The following G3BP1 variants were observed in gnomAD, a reference collection of about 807,000 sequenced individuals.
G3BP1 encodes G3BP stress granule assembly factor 1, also known as ras GTPase-activating protein-binding protein 1.
A neutral mutation model predicts 58.6 loss-of-function variants in G3BP1; 35 were observed. That is an observed-to-expected ratio of 0.60 (90% CI 0.46 to 0.79). The LOEUF (loss-of-function observed/expected upper bound fraction) is 0.79, where lower values mean the gene tolerates loss of function less well. Ranked by LOEUF, G3BP1 falls within the 30% of genes least tolerant of loss-of-function variation. The probability of loss-of-function intolerance (pLI) is 0.00; values close to 1 mark genes in which losing one functional copy is unlikely to be tolerated. For synonymous variants in G3BP1, 191 were observed against 195.4 expected (o/e 0.98, Z 0.19); for missense variants, 523 against 580.8 (o/e 0.90, Z 1.02).
intron 8 of G3BP1, 55 bp from the exon 9 acceptor site, chr5:151,799,834 G>GA: frequency 9.9e-7 from 1 of 1,010,846 alleles, no homozygotes. Flanking sequence ...ACTTCATTAA[G>GA]AAAAAGGATA....
intron 1 of G3BP1, among the ~76,000 whole-genome samples, chr5:151,782,897 G>A (rs1360537306): frequency 8.4e-6 from 1 of 118,818 alleles, no homozygotes; most frequent in Non-Finnish European, 1.6e-5. Context: ...TCGCTCTGTC[G>A]CCCAGGCTGG....
At chr5:151,781,190 A>C (rs1762464481) in intron 1 of G3BP1, among the ~76,000 whole-genome samples, 1 of 152,234 alleles carries the variant, frequency 6.6e-6, no homozygotes, top group Non-Finnish European at 1.5e-5. Flanking sequence ...CAGATTTATT[A>C]CAGAGTTAAA....
intron 10 of G3BP1, 23 bp from the exon 11 acceptor site, chr5:151,800,737 C>G (rs962282847): frequency 1.5e-6 from 2 of 1,372,676 alleles, no homozygotes; most frequent in Non-Finnish European, 1.0e-6. Context: ...AAGTAGTTAT[C>G]TGAGAATGTG....
chr5:151,800,938 C>G, intron 11 of G3BP1, 69 bp downstream of exon 11: 1 of 728,630 alleles, frequency 1.4e-6, no homozygotes, highest in Non-Finnish European at 2.4e-6. Flanking sequence ...TAGAATATAT[C>G]TTTACAGCTG....
intron 1 of G3BP1, among the ~76,000 whole-genome samples, chr5:151,782,693 CT>C (rs914747339): frequency 6.0e-5 from 9 of 149,044 alleles, no homozygotes; most frequent in South Asian, 2.1e-4. Context: ...CATATATTTT[CT>C]TTTTTTTCCC....
In G3BP1 at chr5:151,795,467, T is replaced by C. The variant is rs201756545; in HGVS notation, c.443-12T>C. The C allele has an allele frequency of 4.8e-5, 66 of 1,387,944 alleles. No individual in the cohort carries two copies. The highest frequency in any genetic ancestry group is 5.6e-5 in the Non-Finnish European group (55 of 982,998). The allele number at this position is 1,387,944 out of a possible 1,614,324, so 86.0% of individuals were successfully genotyped here. On this transcript the variant is annotated splice_polypyrimidine_tract_variant and intron_variant, in intron 5 of 11. Transcript: ENST00000356245. ...AAGTACAAATTACTTTAAATATCTT[T>C]TTCTCACTTAGAGTCTGAAGAAGAA...
intron 1 of G3BP1, among the ~76,000 whole-genome samples, chr5:151,777,824 G>T (rs1762399377): frequency 6.6e-6 from 1 of 152,026 alleles, no homozygotes. Context: ...CCTCTTTCTT[G>T]CTTGTTCCTT....
intron 5 of G3BP1, 65 bp from the exon 6 acceptor site, chr5:151,795,414 C>G: frequency 1.2e-6 from 1 of 808,754 alleles, no homozygotes; most frequent in Non-Finnish European, 2.1e-6. Context: ...GTGAACATTG[C>G]GAAAGTTAAT....
At chr5:151,774,991 A>C (rs1223787666) in intron 1 of G3BP1, among the ~76,000 whole-genome samples, 1 of 152,202 alleles carries the variant, frequency 6.6e-6, no homozygotes, top group Admixed American at 6.5e-5. Flanking sequence ...GTCAAGTTGC[A>C]AGCCAGGTGA....
At chr5:151,784,041 C>T (rs1024628963) in intron 1 of G3BP1, among the ~76,000 whole-genome samples, 7 of 152,134 alleles carry the variant, frequency 4.6e-5, no homozygotes, top group South Asian at 4.1e-4. Context: ...AATTAACAGG[C>T]GTGAGCCACC....
chr5:151,782,927 G>A (rs1193504092), intron 1 of G3BP1, among the ~76,000 whole-genome samples: 2 of 143,434 alleles, frequency 1.4e-5, no homozygotes, highest in Admixed American at 7.4e-5. Context: ...GCGTGATCTC[G>A]GCTCACTGCA....
intron 11 of G3BP1, among the ~76,000 whole-genome samples, chr5:151,802,406 G>A (rs753487556): frequency 7.9e-5 from 12 of 152,176 alleles, no homozygotes; most frequent in Non-Finnish European, 1.0e-4. Flanking sequence ...TTTTTTGTGT[G>A]AGCAGAAATA....
At chr5:151,799,787 T>G in intron 8 of G3BP1, 102 bp from the exon 9 acceptor site, 1 of 669,898 alleles carries the variant, frequency 1.5e-6, no homozygotes, top group East Asian at 2.7e-5. Context: ...TGTGAGGGAA[T>G]TGTCCATTTT....
Position 151,797,335 on chromosome 5 carries a change from G to T in G3BP1, c.648G>T (p.Glu216Asp). 6.2e-7 allele frequency: 1 copy of T among 1,614,098 alleles called. No homozygotes were observed. Among genetic ancestry groups the T allele is most frequent in the Non-Finnish European group, 8.5e-7 (1 of 1,179,984 alleles). The change falls in exon 7 of 12, where the codon GAG becomes GAT. Residue 216 changes from glutamate (E) to aspartate (D), a missense_variant. By Grantham distance (45) the Glu-to-Asp change is conservative. This residue lies in a region of G3BP1 where 398 missense variants were observed against 399.1 expected (regional missense o/e 1.00). Transcript: ENST00000356245. Reference sequence around the variant, plus strand: ...CTGAAATCCAAGAGGAAAAGCCTGAGCCAGTATTAGAAGAAACTGCCCCTG... The same window carrying T: ...CTGAAATCCAAGAGGAAAAGCCTGATCCAGTATTAGAAGAAACTGCCCCTG... ...PVSEIQEEKP[E>D]PVLEETAPED...
At chr5:151,802,088 A>G (rs561417715) in intron 11 of G3BP1, among the ~76,000 whole-genome samples, 17 of 152,344 alleles carry the variant, frequency 1.1e-4, no homozygotes, top group African/African-American at 4.1e-4. Flanking sequence ...AAGTGCTGGG[A>G]TTATAGGTGC....
chr5:151,777,881 A>G (rs1762400256), intron 1 of G3BP1, among the ~76,000 whole-genome samples: 1 of 151,854 alleles, frequency 6.6e-6, no homozygotes. Context: ...ATCACTGTAG[A>G]TTACTTTGCG....
chr5:151,799,605 A>T (rs1762815303), intron 8 of G3BP1, among the ~76,000 whole-genome samples: 2 of 151,972 alleles, frequency 1.3e-5, no homozygotes, highest in Non-Finnish European at 2.9e-5. Context: ...GGATTGCTTG[A>T]GTCCCGGAGG....
rs539925526 is a variant in G3BP1 at position 151,776,553 on chromosome 5, C to G, written c.-50+4517C>G. Among the ~76,000 whole-genome samples, 5 of 152,154 alleles carry G rather than the reference C, an allele frequency of 3.3e-5. No individual in the cohort carries two copies. The South Asian group carries it at 1.0e-3, about 32-fold the overall frequency. ...ATCTCGTCTGCAGCTATTATTACTT[C>G]GGGGTTCTAATGGTGATTTTTTTTA... is the stretch of plus-strand genomic sequence containing the variant. On this transcript the variant is annotated intron_variant, in intron 1 of 11. Transcript: ENST00000356245.
intron 1 of G3BP1, chr5:151,772,532 CAG>C (rs1156729722): frequency 6.5e-6 from 1 of 152,710 alleles, no homozygotes; most frequent in Non-Finnish European, 1.5e-5. Context: ...TTCGGTTTTG[CAG>C]AGAGCAAAGA....
Sources: allele counts gnomAD v4.1 joint callset (sites outside exome capture counted in the v4.1 genomes callset), GRCh38; gene constraint gnomAD v4.1.1; regional missense constraint gnomAD v4.1.1; transcripts MANE v1.5; gene names NCBI Gene and HGNC (gene_info 2026-07-23, HGNC 2026-07-21).